SLC25A37: variants seen among roughly 807,000 people sequenced by gnomAD.
SLC25A37 encodes solute carrier family 25 member 37, also known as mitoferrin-1.
A neutral mutation model predicts 31.0 loss-of-function variants in SLC25A37; 17 were observed. That is an observed-to-expected ratio of 0.55 (90% CI 0.38 to 0.82). The LOEUF (loss-of-function observed/expected upper bound fraction) is 0.82, where lower values mean the gene tolerates loss of function less well. SLC25A37 is among the 40% of genes least tolerant of loss of function. SLC25A37 has a pLI of 0.00. For missense variants in SLC25A37, 404 were observed against 465.8 expected (o/e 0.87, Z 1.22); for synonymous variants, 222 against 193.0 (o/e 1.15, Z -1.24).
intron 1 of SLC25A37, among the ~76,000 whole-genome samples, chr8:23,550,942 GC>G (rs1052053893): frequency 1.8e-4 from 27 of 152,224 alleles, no homozygotes; most frequent in African/African-American, 6.5e-4. Context: ...TCTGGCTGTT[GC>G]CCCCAGGGCT....
intron 1 of SLC25A37, among the ~76,000 whole-genome samples, chr8:23,542,423 G>A (rs6557681): frequency 0.36 from 51,864 of 142,924 alleles, 10,908 homozygotes; most frequent in East Asian, 0.61. Flanking sequence ...TTGTCCTGTA[G>A]GCTGGAGCGA....
Position 23,569,273 on chromosome 8 carries a change from A to G in SLC25A37, c.496+895A>G, listed in dbSNP as rs899228479. ...GCAAGACTGCCTCAAAACAGAAAAG[A>G]AAACAAAGGCTAATTCTCAGGCTTT... is the stretch of plus-strand genomic sequence containing the variant. On this transcript the variant is annotated intron_variant, in intron 3 of 3. Coordinates refer to ENST00000519973, the MANE Select transcript of SLC25A37 (RefSeq NM_016612.4). Among the ~76,000 whole-genome samples the G allele has an allele frequency of 5.9e-5, 9 of 152,162 alleles. No individual in the cohort carries two copies. In the East Asian group the frequency reaches 7.7e-4, roughly 13 times the overall value.
In SLC25A37 at chr8:23,529,746, G is replaced by C. The variant is rs1297770167; in HGVS notation, c.210+534G>C. Among the ~76,000 whole-genome samples the C allele has an allele frequency of 6.6e-6, 1 of 152,174 alleles. No individual in the cohort carries two copies. Among genetic ancestry groups the C allele is most frequent in the Non-Finnish European group, 1.5e-5 (1 of 68,034 alleles). The stretch of plus-strand genomic sequence containing the variant: ...CGGGTTATTTCGGGAACTTGGGGCC[G>C]GCAAGTCTTCTCTCGACTAGTGGCA... On this transcript the variant is annotated intron_variant, in intron 1 of 3. Coordinates refer to ENST00000519973, the MANE Select transcript of SLC25A37 (RefSeq NM_016612.4). The surrounding 1 kb of genome is among the most constrained non-coding windows in gnomAD (Gnocchi z 4.1).
intron 1 of SLC25A37, among the ~76,000 whole-genome samples, chr8:23,536,692 C>T (rs975336059): frequency 2.6e-5 from 4 of 152,182 alleles, no homozygotes; most frequent in Admixed American, 1.3e-4. Context: ...GGCTTCCCCT[C>T]GGGCCTGCCC....
At chr8:23,570,672 T>C (rs1191072608) in intron 3 of SLC25A37, among the ~76,000 whole-genome samples, 1 of 152,162 alleles carries the variant, frequency 6.6e-6, no homozygotes, top group African/African-American at 2.4e-5. Flanking sequence ...CAGTCTTTAT[T>C]TGTTTAAAAG....
At chr8:23,557,420 C>G (rs1802397780) in intron 1 of SLC25A37, among the ~76,000 whole-genome samples, 2 of 152,130 alleles carry the variant, frequency 1.3e-5, no homozygotes, top group Non-Finnish European at 2.9e-5. Flanking sequence ...TTTCCAAGGC[C>G]TAGATGGGGT....
chr8:23,529,001 G>T lies in SLC25A37; in HGVS notation c.-2G>T. 2.0e-6 allele frequency: 3 copies of T among 1,504,310 alleles called. No individual in the cohort carries two copies. Among genetic ancestry groups the T allele is most frequent in the Non-Finnish European group, 2.7e-6 (3 of 1,124,592 alleles). 93.2% of individuals were successfully genotyped at this position (1,504,310 alleles called of 1,614,324 possible). A position where few individuals can be genotyped will look rare whatever the true frequency, so the allele number is the denominator to read the frequency against. On this transcript the variant is annotated 5_prime_UTR_variant, in exon 1 of 4. Transcript: ENST00000519973. The surrounding 1 kb of genome is among the most constrained non-coding windows in gnomAD (Gnocchi z 4.1). ...GCCTCCTGCGCCCCGCCGAGCTGGC[G>T]GATGGAGCTGCGCAGCGGGAGCGTG...
chr8:23,540,957 G>C (rs369330144), intron 1 of SLC25A37, among the ~76,000 whole-genome samples: 8 of 152,340 alleles, frequency 5.3e-5, no homozygotes, highest in African/African-American at 1.9e-4. Flanking sequence ...TGTGGGAGGG[G>C]TAAGGTTAGC....
chr8:23,573,655 C>T lies in SLC25A37; in HGVS notation c.*1800C>T, dbSNP rs535685464. The T allele has an allele frequency of 2.1e-5, 8 of 388,078 alleles. No homozygotes were observed. The highest frequency in any genetic ancestry group is 1.4e-4 in the South Asian group (8 of 55,334). 24.0% of individuals were successfully genotyped at this position (388,078 alleles called of 1,614,324 possible). A position where few individuals can be genotyped will look rare whatever the true frequency, so the allele number is the denominator to read the frequency against. On this transcript the variant is annotated 3_prime_UTR_variant, in exon 4 of 4. Transcript: ENST00000519973. Reference sequence around the variant, plus strand: ...TGGGGAGTAGATTTTGCCCTAATAGCGATGAAGAATTTTATCAGTCAGTGG... The same window carrying T: ...TGGGGAGTAGATTTTGCCCTAATAGTGATGAAGAATTTTATCAGTCAGTGG...
At chr8:23,537,882 G>GA (rs1268515333) in intron 1 of SLC25A37, among the ~76,000 whole-genome samples, 6 of 152,070 alleles carry the variant, frequency 3.9e-5, no homozygotes, top group Admixed American at 6.6e-5. Context: ...CTCCCCACCT[G>GA]ATAATCCCTC....
In SLC25A37 at chr8:23,571,737, A is replaced by C; in HGVS notation, c.899A>C (p.Lys300Thr). ...CTCAACGGCCTGGCCGGCTACTTCA[A>C]AGGCATCCAGGCGCGTGTCATCTAC... ...YQLNGLAGYF[K>T]GIQARVIYQM... Residue 300 changes from lysine (K) to threonine (T), a missense_variant, in exon 4 of 4, where the codon AAA becomes ACA. Around this residue, in one of 3 missense-constraint regions of SLC25A37, gnomAD observed 243 missense variants for 284.4 expected, o/e 0.85. Coordinates refer to ENST00000519973, the MANE Select transcript of SLC25A37 (RefSeq NM_016612.4). 6.2e-7 allele frequency: 1 copy of C among 1,614,000 alleles called. No individual in the cohort carries two copies. Among genetic ancestry groups the C allele is most frequent in the Non-Finnish European group, 8.5e-7 (1 of 1,179,884 alleles).
At position 23,547,491 on chromosome 8, in the gene SLC25A37, A is replaced by G. The variant is rs189469662; in HGVS notation, c.210+18279A>G. On this transcript the variant is annotated intron_variant, in intron 1 of 3. Transcript: ENST00000519973. ...CTTTGTCTATAAAATGTCAAGATTGAACTAACACTACATGATTCTCTCGGG... is the reference window on the plus strand; with the variant it reads ...CTTTGTCTATAAAATGTCAAGATTGGACTAACACTACATGATTCTCTCGGG... Among the ~76,000 whole-genome samples, 826 of 152,344 alleles carry G rather than the reference A, an allele frequency of 5.4e-3. 28 individuals are homozygous for G. Among genetic ancestry groups the G allele is most frequent in the Admixed American group, 0.048 (730 of 15,306 alleles).
intron 1 of SLC25A37, among the ~76,000 whole-genome samples, chr8:23,554,317 A>G (rs770835422): frequency 1.3e-5 from 2 of 152,202 alleles, no homozygotes; most frequent in African/African-American, 2.4e-5. Context: ...GCAGGATGAG[A>G]AAGAACTGTG....
intron 1 of SLC25A37, among the ~76,000 whole-genome samples, chr8:23,559,570 C>A (rs1000603903): frequency 6.6e-6 from 1 of 152,136 alleles, no homozygotes; most frequent in Non-Finnish European, 1.5e-5. Flanking sequence ...TATTACACAA[C>A]CATCAGTGTC....
chr8:23,561,696 G>A (rs962178829), intron 1 of SLC25A37, among the ~76,000 whole-genome samples: 6 of 152,220 alleles, frequency 3.9e-5, no homozygotes, highest in South Asian at 2.1e-4. Flanking sequence ...CCAGGCAGAG[G>A]GCTGGGGCTG....
intron 1 of SLC25A37, among the ~76,000 whole-genome samples, chr8:23,538,757 C>T (rs1404932269): frequency 6.6e-6 from 1 of 152,136 alleles, no homozygotes; most frequent in Non-Finnish European, 1.5e-5. Flanking sequence ...GCGACAGAAC[C>T]AGCTCCCTTT....
At position 23,535,534 on chromosome 8, in the gene SLC25A37, AG is replaced by A. The variant is rs375054929; in HGVS notation, c.210+6324del. ...GATGTATACAAACCACCTTGACACC[AG>A]GATTTGAATACTGGCTGCACACCTG... is the stretch of plus-strand genomic sequence containing the variant. On this transcript the variant is annotated intron_variant, in intron 1 of 3. Coordinates refer to ENST00000519973, the MANE Select transcript of SLC25A37 (RefSeq NM_016612.4). Among the ~76,000 whole-genome samples, 58 of 152,338 alleles carry A rather than the reference AG, an allele frequency of 3.8e-4. No homozygotes were observed. The East Asian group carries it at 5.0e-3, about 13-fold the overall frequency.
At chr8:23,546,825 T>G (rs1374882495) in intron 1 of SLC25A37, among the ~76,000 whole-genome samples, 1 of 152,040 alleles carries the variant, frequency 6.6e-6, no homozygotes, top group Non-Finnish European at 1.5e-5. Flanking sequence ...TTTAAATTTT[T>G]TTTTCAAATT....
intron 1 of SLC25A37, among the ~76,000 whole-genome samples, chr8:23,546,535 A>ATATATATATATATATATAGTG (rs1392723464): frequency 6.1e-5 from 1 of 16,292 alleles, no homozygotes; most frequent in Non-Finnish European, 1.0e-4. Context: ...ATAGGTGTAT[A>ATATATATATATATATATAGTG]TATATATATA....
Sources: allele counts gnomAD v4.1 joint callset (sites outside exome capture counted in the v4.1 genomes callset), GRCh38; gene constraint gnomAD v4.1.1; regional missense constraint gnomAD v4.1.1; non-coding constraint Gnocchi (gnomAD v3.1); transcripts MANE v1.5; gene names NCBI Gene and HGNC (gene_info 2026-07-23, HGNC 2026-07-21).